Variants in PTK2 observed in about 807,000 individuals in gnomAD.
The protein encoded by PTK2 is focal adhesion kinase 1.
In PTK2, 45 loss-of-function variants were observed where a neutral mutation model predicts 150.1. That is an observed-to-expected ratio of 0.30 (90% CI 0.24 to 0.38). The LOEUF (loss-of-function observed/expected upper bound fraction) is 0.38, where lower values mean the gene tolerates loss of function less well. PTK2 is among the 10% of genes least tolerant of loss of function. PTK2 has a pLI of 1.00. For missense variants in PTK2, 919 were observed against 1,307.3 expected (o/e 0.70, Z 4.58); for synonymous variants, 432 against 449.2 (o/e 0.96, Z 0.48).
chr8:140,830,482 T>G (rs1399051217), exon 8 of PTK2: 2 of 1,538,912 alleles, frequency 1.3e-6, no homozygotes, highest in Non-Finnish European at 1.8e-6. Flanking sequence ...CTTGACAGAA[T>G]CCAGTAAACT....
rs35295482 is a variant in PTK2 at position 140,956,153 on chromosome 8, G to A, written c.-121-30404C>T. ...GAAAGATCTAAAGATACCAATGCTG[G>A]GGATTTCCCAACAAATGGGCCATCC... On this transcript the variant is annotated intron_variant, in intron 1 of 31. Coordinates refer to ENST00000522684, the Ensembl canonical transcript of PTK2. Among the ~76,000 whole-genome samples, 333 of 152,296 alleles carry A rather than the reference G, an allele frequency of 2.2e-3. 2 individuals carry two copies. Among genetic ancestry groups the A allele is most frequent in the Non-Finnish European group, 3.4e-3 (229 of 68,038 alleles).
intron 14 of PTK2, among the ~76,000 whole-genome samples, chr8:140,771,779 AT>A (rs34027936): frequency 0.088 from 11,820 of 134,920 alleles, 403 homozygotes; most frequent in Middle Eastern, 0.14. Context: ...TCCTATTAAC[AT>A]TTTTTTTTTT....
At chr8:140,849,980 G>A (rs1453748457) in intron 5 of PTK2, among the ~76,000 whole-genome samples, 1 of 152,020 alleles carries the variant, frequency 6.6e-6, no homozygotes, top group Non-Finnish European at 1.5e-5. Context: ...TGCATCCCCA[G>A]TATCAACCAC....
At chr8:140,785,022 G>A (rs751654074) in intron 14 of PTK2, among the ~76,000 whole-genome samples, 43 of 152,128 alleles carry the variant, frequency 2.8e-4, no homozygotes, top group Non-Finnish European at 5.7e-4. Context: ...CACAAAGAGC[G>A]ACAAACTGTC....
At chr8:140,686,799 T>C in intron 26 of PTK2, 105 bp from the exon 30 acceptor site, 1 of 986,440 alleles carries the variant, frequency 1.0e-6, no homozygotes, top group South Asian at 1.5e-5. Flanking sequence ...GTCCTCTGAA[T>C]AAGAAGAGTT....
At chr8:140,838,139 G>A (rs10106635) in intron 7 of PTK2, among the ~76,000 whole-genome samples, 1 of 152,092 alleles carries the variant, frequency 6.6e-6, no homozygotes, top group Non-Finnish European at 1.5e-5. Context: ...TAAAATTCCT[G>A]CCGGAATCTA....
At chr8:140,839,499 A>T (rs2100120974) in intron 7 of PTK2, among the ~76,000 whole-genome samples, 1 of 152,174 alleles carries the variant, frequency 6.6e-6, no homozygotes, top group African/African-American at 2.4e-5. Flanking sequence ...CGGCACAAAC[A>T]CCACAGATGG....
At chr8:140,777,210 T>C (rs115478833) in intron 14 of PTK2, among the ~76,000 whole-genome samples, 2,455 of 152,336 alleles carry the variant, frequency 0.016, 66 homozygotes, top group African/African-American at 0.055. Context: ...GACGTTTTAA[T>C]TGGTTCACAG....
intron 3 of PTK2, 107 bp from the exon 4 acceptor site, chr8:140,879,744 A>C: frequency 1.0e-6 from 1 of 980,324 alleles, no homozygotes; most frequent in East Asian, 3.0e-5. Context: ...ACTATATGCT[A>C]AAAAGTAATG....
intron 10 of PTK2, among the ~76,000 whole-genome samples, chr8:140,807,631 G>C (rs1375393811): frequency 6.6e-6 from 1 of 152,170 alleles, no homozygotes; most frequent in Admixed American, 6.5e-5. Flanking sequence ...TATGCTGGTA[G>C]GGTACAATGC....
chr8:140,693,391 A>G (rs919147758), intron 26 of PTK2, among the ~76,000 whole-genome samples: 2 of 151,408 alleles, frequency 1.3e-5, no homozygotes, highest in Admixed American at 6.6e-5. Flanking sequence ...CTATCTCTAT[A>G]AAAAAAAGTA....
At chr8:140,864,285 A>G (rs777511145) in intron 5 of PTK2, 27 bp downstream of exon 5, 1 of 1,311,294 alleles carries the variant, frequency 7.6e-7, no homozygotes, top group Non-Finnish European at 1.0e-6. Flanking sequence ...AACAAACAAA[A>G]AAGTATATGA....
chr8:140,963,444 C>CA (rs1350506290), intron 1 of PTK2, among the ~76,000 whole-genome samples: 6 of 152,292 alleles, frequency 3.9e-5, no homozygotes, highest in Admixed American at 1.3e-4. Context: ...CTAACTCTTT[C>CA]ACCTCACTTA....
At chr8:140,912,868 C>G (rs1208813276) in intron 2 of PTK2, among the ~76,000 whole-genome samples, 1 of 152,056 alleles carries the variant, frequency 6.6e-6, no homozygotes, top group African/African-American at 2.4e-5. Context: ...ATAGCTTGAA[C>G]CTGGGAGGCG....
chr8:140,688,563 T>A (rs1564402746), intron 26 of PTK2, among the ~76,000 whole-genome samples: 2 of 151,168 alleles, frequency 1.3e-5, no homozygotes, highest in African/African-American at 2.4e-5. Flanking sequence ...AAGAAAAAAA[T>A]TTTAACAATT....
chr8:140,997,876 T>C (rs893773111), intron 1 of PTK2, among the ~76,000 whole-genome samples: 1 of 152,210 alleles, frequency 6.6e-6, no homozygotes, highest in African/African-American at 2.4e-5. Flanking sequence ...GAGGACCAGG[T>C]TGCAGTGAGC....
At chr8:140,709,900 A>T (rs1198598690) in intron 23 of PTK2, among the ~76,000 whole-genome samples, 1 of 152,222 alleles carries the variant, frequency 6.6e-6, no homozygotes, top group Non-Finnish European at 1.5e-5. Context: ...TTTAGGGTAC[A>T]GTCAGCCCTC....
At chr8:140,969,035 G>A (rs1411682526) in intron 1 of PTK2, among the ~76,000 whole-genome samples, 1 of 152,140 alleles carries the variant, frequency 6.6e-6, no homozygotes, top group Non-Finnish European at 1.5e-5. Context: ...TAAGCACATT[G>A]CACCCTGTCA....
Position 140,675,066 on chromosome 8 carries a change from C to CA in PTK2, c.2602+393dup, listed in dbSNP as rs57165594. The stretch of plus-strand genomic sequence containing the variant: ...GGGTGACAGAGTGAGACTCTGTATC[C>CA]AAAAAAAAAAAAAGGAAAGAGAAAG... On this transcript the variant is annotated intron_variant, in intron 28 of 31. Coordinates refer to ENST00000522684, the Ensembl canonical transcript of PTK2. Among the ~76,000 whole-genome samples, 673 of 136,612 alleles carry CA rather than the reference C, an allele frequency of 4.9e-3. 4 individuals carry two copies. Among genetic ancestry groups the CA allele is most frequent in the Non-Finnish European group, 5.7e-3 (363 of 63,522 alleles). 89.6% of individuals were successfully genotyped at this position (136,612 alleles called of 152,430 possible). A position where few individuals can be genotyped will look rare whatever the true frequency, so the allele number is the denominator to read the frequency against.
Sources: allele counts gnomAD v4.1 joint callset (sites outside exome capture counted in the v4.1 genomes callset), GRCh38; gene constraint gnomAD v4.1.1; transcripts MANE v1.5; gene names NCBI Gene and HGNC (gene_info 2026-07-23, HGNC 2026-07-21).